Variants in CACNA1B observed in about 807,000 individuals in gnomAD.
The protein encoded by CACNA1B is voltage-dependent N-type calcium channel subunit alpha-1B.
In CACNA1B, 70 loss-of-function variants were observed where a neutral mutation model predicts 247.2. The ratio of observed to expected loss-of-function variants is 0.28; its 90% CI spans 0.23 to 0.35. The LOEUF (loss-of-function observed/expected upper bound fraction) is 0.35. Ranked by LOEUF, CACNA1B falls within the 10% of genes least tolerant of loss-of-function variation. CACNA1B has a pLI of 1.00. For synonymous variants in CACNA1B, 1,231 were observed against 1,294.4 expected (o/e 0.95, Z 1.05); for missense variants, 2,367 against 3,197.4 (o/e 0.74, Z 6.26).
intron 6 of CACNA1B, among the ~76,000 whole-genome samples, chr9:137,920,293 T>G (rs1433062215): frequency 6.6e-6 from 1 of 152,140 alleles, no homozygotes; most frequent in East Asian, 1.9e-4. Flanking sequence ...GCCTCCTTGG[T>G]TCAAGTGATT....
rs183663933 is a variant in CACNA1B at position 138,020,004 on chromosome 9, G to A, written c.2268-3007G>A. 1.6e-3 allele frequency among the ~76,000 whole-genome samples: 235 copies of A among 151,438 alleles called. 1 individual carries two copies. Among genetic ancestry groups the A allele is most frequent in the African/African-American group, 5.0e-3 (204 of 41,136 alleles). Reference sequence around the variant, plus strand: ...CCCAGCTACTCGGTAGGCTGAGGCAGGAGAATTGCTTGAACCCGGGAGGCA... The same window carrying A: ...CCCAGCTACTCGGTAGGCTGAGGCAAGAGAATTGCTTGAACCCGGGAGGCA... On this transcript the variant is annotated intron_variant, in intron 18 of 46. Coordinates refer to ENST00000371372, the MANE Select transcript of CACNA1B (RefSeq NM_000718.4). The surrounding 1 kb of genome is among the most constrained non-coding windows in gnomAD (Gnocchi z 4.1).
intron 10 of CACNA1B, among the ~76,000 whole-genome samples, chr9:137,970,254 G>A (rs12349472): frequency 0.032 from 4,869 of 152,236 alleles, 251 homozygotes; most frequent in African/African-American, 0.11. Flanking sequence ...GAGACCCATG[G>A]CTGGGGCACA....
chr9:138,107,586 T>G (rs1412203027), intron 39 of CACNA1B, among the ~76,000 whole-genome samples: 3 of 152,082 alleles, frequency 2.0e-5, no homozygotes, highest in Non-Finnish European at 2.9e-5. Flanking sequence ...CATTGCCGCC[T>G]CCTCTGGCTC....
Position 138,024,964 on chromosome 9 carries a change from C to T in CACNA1B, c.3078C>T (p.His1026=), listed in dbSNP as rs1276740002. ...ACATTCTTGATTGCAGGGAGCCACACTGTGACCTGGAGACCAGTGGGACTG... is the reference window on the plus strand; with the variant it reads ...ACATTCTTGATTGCAGGGAGCCACATTGTGACCTGGAGACCAGTGGGACTG... ...ELRNHQPREP[H]CDLETSGTVT... Residue 1026 remains histidine, a synonymous_variant, in exon 20 of 47, where the codon CAC becomes CAT. Transcript: ENST00000371372. 4 of 1,577,152 alleles carry T rather than the reference C, an allele frequency of 2.5e-6. No individual in the cohort carries two copies. Among genetic ancestry groups the T allele is most frequent in the Non-Finnish European group, 3.4e-6 (4 of 1,161,354 alleles).
chr9:137,901,876 A>G (rs1957244545), intron 3 of CACNA1B, among the ~76,000 whole-genome samples: 1 of 151,958 alleles, frequency 6.6e-6, no homozygotes, highest in Non-Finnish European at 1.5e-5. Flanking sequence ...TTTTTAATAG[A>G]GACGGGGTTT....
At chr9:137,995,581 A>G (rs892081282) in intron 15 of CACNA1B, among the ~76,000 whole-genome samples, 2 of 152,376 alleles carry the variant, frequency 1.3e-5, no homozygotes, top group East Asian at 1.9e-4. Flanking sequence ...TAACAATTAT[A>G]AAGATAACAT....
rs535170754 is a variant in CACNA1B, at chr9:138,084,779, G to A, written c.5094+6521G>A. 1.3e-5 allele frequency among the ~76,000 whole-genome samples: 2 copies of A among 150,894 alleles called. 1 individual carries two copies. The highest frequency in any genetic ancestry group is 4.1e-4 in the East Asian group (2 of 4,886). On this transcript the variant is annotated intron_variant, in intron 36 of 46. Transcript: ENST00000371372. ...ATCCTGGCTAACACGGTGAAACCCC[G>A]TCTCTACTAAAAATACAAAAAAATT...
chr9:138,106,332 C>T (rs931969659), intron 39 of CACNA1B, among the ~76,000 whole-genome samples: 1 of 152,186 alleles, frequency 6.6e-6, no homozygotes, highest in Non-Finnish European at 1.5e-5. Flanking sequence ...CCCCACCCCC[C>T]TGCGTCTGCC....
rs1959315481 is a variant in CACNA1B, at chr9:138,052,249, C to CGCGTGTGTGCGTGTGT, written c.3807+62_3807+63insCGTGTGTGCGTGTGTG. ...GTGTGTGTGTGCGTGTGTGTGTGTG[C>CGCGTGTGTGCGTGTGT]GTGTGTGTGTGTGTATGCATGCAGT... is the stretch of plus-strand genomic sequence containing the variant. On this transcript the variant is annotated intron_variant, in intron 25 of 46. Transcript: ENST00000371372. The surrounding 1 kb of genome is among the most constrained non-coding windows in gnomAD (Gnocchi z 5.1). The CGCGTGTGTGCGTGTGT allele has an allele frequency of 2.6e-6, 2 of 779,326 alleles. No homozygotes were observed. Among genetic ancestry groups the CGCGTGTGTGCGTGTGT allele is most frequent in the Non-Finnish European group, 4.3e-6 (2 of 464,714 alleles). 48.3% of individuals were successfully genotyped at this position (779,326 alleles called of 1,614,324 possible).
chr9:138,117,860 C>A, intron 42 of CACNA1B, 86 bp from the exon 43 acceptor site: 2 of 1,072,782 alleles, frequency 1.9e-6, no homozygotes, highest in Non-Finnish European at 2.6e-6. Context: ...GTGTTGGAGA[C>A]GCCTGGCAGG....
intron 6 of CACNA1B, among the ~76,000 whole-genome samples, chr9:137,926,766 T>C (rs1366984080): frequency 6.6e-6 from 1 of 152,226 alleles, no homozygotes; most frequent in Non-Finnish European, 1.5e-5. Context: ...GCTTGTAGTT[T>C]TGATTTGCAT....
At chr9:137,929,934 G>A (rs1336578379) in intron 6 of CACNA1B, among the ~76,000 whole-genome samples, 4 of 152,066 alleles carry the variant, frequency 2.6e-5, no homozygotes, top group South Asian at 2.1e-4. Context: ...GACCACACGC[G>A]CATGCTACCA....
chr9:137,896,744 T>A (rs1354589734), intron 3 of CACNA1B, among the ~76,000 whole-genome samples: 1 of 152,268 alleles, frequency 6.6e-6, no homozygotes, highest in Non-Finnish European at 1.5e-5. Context: ...TGAATCCAAC[T>A]GGCCCTGGAG....
At chr9:137,979,681 TC>T (rs1399172082) in intron 12 of CACNA1B, among the ~76,000 whole-genome samples, 1 of 152,104 alleles carries the variant, frequency 6.6e-6, no homozygotes, top group Non-Finnish European at 1.5e-5. Flanking sequence ...CCCTGCCAAC[TC>T]CCCAAAATCT....
At chr9:138,094,786 C>G (rs1961004684) in intron 36 of CACNA1B, among the ~76,000 whole-genome samples, 2 of 152,322 alleles carry the variant, frequency 1.3e-5, no homozygotes, top group Admixed American at 6.5e-5. Flanking sequence ...ACTCAAATAT[C>G]TGTGTTCAAT....
intron 36 of CACNA1B, among the ~76,000 whole-genome samples, chr9:138,079,101 G>A (rs190818812): frequency 5.9e-5 from 9 of 152,306 alleles, no homozygotes; most frequent in African/African-American, 1.4e-4. Context: ...AGTGACCTGC[G>A]TCCAAAGCAG....
At chr9:138,094,800 C>G (rs967705228) in intron 36 of CACNA1B, among the ~76,000 whole-genome samples, 2 of 152,230 alleles carry the variant, frequency 1.3e-5, no homozygotes, top group African/African-American at 4.8e-5. Context: ...GTTCAATTGA[C>G]TTTTGACAGT....
chr9:137,902,501 T>C (rs1957250766), intron 3 of CACNA1B, among the ~76,000 whole-genome samples: 1 of 152,248 alleles, frequency 6.6e-6, no homozygotes, highest in South Asian at 2.1e-4. Flanking sequence ...AATTTCCTTT[T>C]TTCTATTGTT....
chr9:138,024,051 G>C (rs1829115894), intron 19 of CACNA1B, among the ~76,000 whole-genome samples: 1 of 152,256 alleles, frequency 6.6e-6, no homozygotes, highest in Admixed American at 6.5e-5. Flanking sequence ...AAAAGGCTTG[G>C]CAGAGTGTTT....
Sources: allele counts gnomAD v4.1 joint callset (sites outside exome capture counted in the v4.1 genomes callset), GRCh38; gene constraint gnomAD v4.1.1; non-coding constraint Gnocchi (gnomAD v3.1); transcripts MANE v1.5; gene names NCBI Gene and HGNC (gene_info 2026-07-23, HGNC 2026-07-21).